L3MBTL4: variants seen among roughly 807,000 people sequenced by gnomAD.
L3MBTL4 encodes L3MBTL histone methyl-lysine binding protein 4.
Under a neutral mutation model 84.5 loss-of-function variants are expected in L3MBTL4, and 70 were observed. That is an observed-to-expected ratio of 0.83 (90% CI 0.68 to 1.01). The LOEUF (loss-of-function observed/expected upper bound fraction) is 1.01, where lower values mean the gene tolerates loss of function less well. Among genes scored for constraint, L3MBTL4 ranks in the 50% least tolerant of loss-of-function variants. The pLI is 0.00. For synonymous variants in L3MBTL4, 274 were observed against 259.8 expected, an observed-to-expected ratio of 1.05 and a Z score of -0.52; for missense variants, 715 against 754.8, an observed-to-expected ratio of 0.95 and a Z score of 0.62.
intron 1 of L3MBTL4, among the ~76,000 whole-genome samples, chr18:6,332,761 A>G (rs71360033): frequency 0.011 from 1,669 of 152,342 alleles, 20 homozygotes; most frequent in Non-Finnish European, 0.018. Flanking sequence ...GCTCCACCCC[A>G]GTACTGCTGC....
chr18:6,271,959 G>C (rs1003507651), intron 4 of L3MBTL4, among the ~76,000 whole-genome samples: 1 of 152,232 alleles, frequency 6.6e-6, no homozygotes, highest in Non-Finnish European at 1.5e-5. Context: ...TCAGACTGCA[G>C]AGGTCAAAGC....
intron 16 of L3MBTL4, among the ~76,000 whole-genome samples, chr18:6,042,947 T>A (rs2056465446): frequency 2.0e-5 from 3 of 152,248 alleles, no homozygotes. Context: ...TAACTCAATA[T>A]TCTCATCCCT....
At chr18:6,237,226 C>A (rs893621760) in intron 10 of L3MBTL4, among the ~76,000 whole-genome samples, 1 of 151,850 alleles carries the variant, frequency 6.6e-6, no homozygotes, top group Non-Finnish European at 1.5e-5. Context: ...GTTTGGAGAC[C>A]CATTGTTAAG....
At chr18:6,017,920 C>T (rs1337679390) in intron 16 of L3MBTL4, 1 of 152,132 alleles carries the variant, frequency 6.6e-6, no homozygotes, top group Non-Finnish European at 1.5e-5. Flanking sequence ...AGACCAGAGC[C>T]ATGATTGTCT....
intron 16 of L3MBTL4, among the ~76,000 whole-genome samples, chr18:6,003,738 A>G (rs1417262345): frequency 6.6e-6 from 1 of 152,094 alleles, no homozygotes; most frequent in African/African-American, 2.4e-5. Context: ...AAAGTCAATA[A>G]CAGAAGAAAA....
intron 5 of L3MBTL4, among the ~76,000 whole-genome samples, chr18:6,250,153 A>G (rs2047860441): frequency 6.6e-6 from 1 of 152,230 alleles, no homozygotes; most frequent in African/African-American, 2.4e-5. Context: ...ATTTTCTCAT[A>G]TGAAATTGAT....
intron 1 of L3MBTL4, among the ~76,000 whole-genome samples, chr18:6,410,216 G>C (rs1867496680): frequency 6.6e-6 from 1 of 152,206 alleles, no homozygotes; most frequent in Admixed American, 6.5e-5. Flanking sequence ...AACCGCCTTA[G>C]GGGCTTCTCT....
chr18:6,054,464 C>T (rs1004189239), intron 16 of L3MBTL4, among the ~76,000 whole-genome samples: 8 of 152,200 alleles, frequency 5.3e-5, no homozygotes, highest in Non-Finnish European at 8.8e-5. Flanking sequence ...GTTTACCACA[C>T]TCAGTACTCT....
intron 16 of L3MBTL4, among the ~76,000 whole-genome samples, chr18:6,008,332 G>A (rs1320899176): frequency 6.6e-6 from 1 of 152,170 alleles, no homozygotes; most frequent in East Asian, 1.9e-4. Flanking sequence ...GACAGCTCAA[G>A]GAAGGTCGAT....
chr18:5,956,859 A>C (rs2095229842), intron 18 of L3MBTL4, among the ~76,000 whole-genome samples: 1 of 152,222 alleles, frequency 6.6e-6, no homozygotes, highest in South Asian at 2.1e-4. Context: ...AGAGTGGGCT[A>C]CTATGCAGTC....
chr18:6,266,141 A>T (rs2048622491), intron 4 of L3MBTL4, among the ~76,000 whole-genome samples: 1 of 152,192 alleles, frequency 6.6e-6, no homozygotes, highest in African/African-American at 2.4e-5. Context: ...GTTATTCCAT[A>T]TATTAAGACA....
At chr18:6,095,081 A>G (rs985975109) in intron 14 of L3MBTL4, among the ~76,000 whole-genome samples, 1 of 152,246 alleles carries the variant, frequency 6.6e-6, no homozygotes, top group African/African-American at 2.4e-5. Context: ...CAAAAAGTAC[A>G]ATTTATAATA....
chr18:6,075,706 T>C (rs1383879340), intron 16 of L3MBTL4, among the ~76,000 whole-genome samples: 1 of 152,136 alleles, frequency 6.6e-6, no homozygotes, highest in Non-Finnish European at 1.5e-5. Context: ...CAAGGCATCA[T>C]TAAGAGTGTG....
At chr18:6,366,534 T>C (rs761244045) in intron 1 of L3MBTL4, among the ~76,000 whole-genome samples, 3 of 152,210 alleles carry the variant, frequency 2.0e-5, no homozygotes, top group Non-Finnish European at 4.4e-5. Context: ...ATGAAGGAAA[T>C]AAGTTCATAA....
intron 4 of L3MBTL4, among the ~76,000 whole-genome samples, chr18:6,265,207 G>A (rs1338300417): frequency 6.6e-6 from 1 of 152,154 alleles, no homozygotes; most frequent in African/African-American, 2.4e-5. Context: ...CATCTTAAGT[G>A]CCAGAATTAT....
rs570612850 is a variant in L3MBTL4 at position 6,257,923 on chromosome 18, G to A, written c.219+6024C>T. On this transcript the variant is annotated intron_variant, in intron 5 of 18. Transcript: ENST00000317931. ...GGCCTCCCAAAGTGCTGGGATTAGA[G>A]GCATGAGCCACATCGCCGGGCTCTA... is the stretch of plus-strand genomic sequence containing the variant. Among the ~76,000 whole-genome samples, 5 of 152,278 alleles carry A rather than the reference G, an allele frequency of 3.3e-5. No individual in the cohort carries two copies. In the South Asian group the frequency reaches 1.0e-3, roughly 32 times the overall value.
At chr18:5,960,321 C>T (rs749871818) in intron 17 of L3MBTL4, among the ~76,000 whole-genome samples, 165 bp from the exon 18 acceptor site, 17 of 152,124 alleles carry the variant, frequency 1.1e-4, no homozygotes, top group Non-Finnish European at 1.6e-4. Context: ...AGAAATTAGA[C>T]CAGCCCCCAG....
chr18:5,961,680 C>T lies in L3MBTL4; in HGVS notation c.1615-1524G>A, dbSNP rs77661103. 3.4e-3 allele frequency among the ~76,000 whole-genome samples: 521 copies of T among 152,328 alleles called. 1 individual carries two copies. Among genetic ancestry groups the T allele is most frequent in the African/African-American group, 0.012 (491 of 41,578 alleles). ...GCATCTGTGCTAGTGAGTGCCTCTG[C>T]TGGCCCGGGCTCTTAGTATTACGAG... is the stretch of plus-strand genomic sequence containing the variant. On this transcript the variant is annotated intron_variant, in intron 17 of 18. Coordinates refer to ENST00000317931, the MANE Select transcript of L3MBTL4 (RefSeq NM_001330559.2).
chr18:6,019,396 A>T (rs924115260), intron 16 of L3MBTL4, among the ~76,000 whole-genome samples: 7 of 152,220 alleles, frequency 4.6e-5, no homozygotes, highest in Non-Finnish European at 1.0e-4. Context: ...ATGATAAATT[A>T]TACATTAGAC....
Sources: allele counts gnomAD v4.1 joint callset (sites outside exome capture counted in the v4.1 genomes callset), GRCh38; gene constraint gnomAD v4.1.1; transcripts MANE v1.5; gene names NCBI Gene and HGNC (gene_info 2026-07-23, HGNC 2026-07-21).